Variants in PDZRN3 observed in about 807,000 individuals in gnomAD.
The protein encoded by PDZRN3 is PDZ domain containing ring finger 3, also known as E3 ubiquitin-protein ligase PDZRN3.
A neutral mutation model predicts 85.7 loss-of-function variants in PDZRN3; 38 were observed. The ratio of observed to expected loss-of-function variants is 0.44; its 90% CI spans 0.34 to 0.58. PDZRN3 has a LOEUF of 0.58. Ranked by LOEUF, PDZRN3 falls within the 20% of genes least tolerant of loss-of-function variation. The pLI, the probability that PDZRN3 is intolerant of heterozygous loss-of-function variation, is 0.01. For synonymous variants in PDZRN3, 759 were observed against 638.0 expected (o/e 1.19, Z -2.86); for missense variants, 1,629 against 1,506.4 (o/e 1.08, Z -1.35).
chr3:73,411,663 A>T (rs936470898), intron 3 of PDZRN3, among the ~76,000 whole-genome samples: 1 of 150,766 alleles, frequency 6.6e-6, no homozygotes, highest in Non-Finnish European at 1.5e-5. Flanking sequence ...CCCTGGACAC[A>T]TAGAAGGGGC....
chr3:73,577,798 T>C (rs1702146463), intron 3 of PDZRN3, among the ~76,000 whole-genome samples: 1 of 152,216 alleles, frequency 6.6e-6, no homozygotes, highest in African/African-American at 2.4e-5. Flanking sequence ...ACTAGCCCAG[T>C]TACTGCCCTA....
chr3:73,516,377 T>C (rs1391836281), intron 3 of PDZRN3, among the ~76,000 whole-genome samples: 1 of 152,232 alleles, frequency 6.6e-6, no homozygotes, highest in African/African-American at 2.4e-5. Flanking sequence ...CCCATCAATG[T>C]TGCCTATTAT....
chr3:73,547,419 A>G (rs1276249322), intron 3 of PDZRN3, among the ~76,000 whole-genome samples: 2 of 152,230 alleles, frequency 1.3e-5, no homozygotes, highest in Non-Finnish European at 2.9e-5. Flanking sequence ...CAGTGAAAAG[A>G]TAGAAGTCCC....
intron 3 of PDZRN3, among the ~76,000 whole-genome samples, chr3:73,498,740 G>A (rs1428911112): frequency 2.0e-5 from 3 of 151,968 alleles, no homozygotes; most frequent in East Asian, 3.9e-4. Flanking sequence ...ACACGCCACC[G>A]CGCCTGGCTA....
At chr3:73,418,684 T>C (rs1171378634) in intron 3 of PDZRN3, among the ~76,000 whole-genome samples, 1 of 152,186 alleles carries the variant, frequency 6.6e-6, no homozygotes, top group African/African-American at 2.4e-5. Flanking sequence ...CCCCACCCTA[T>C]GGCTATGCAG....
At chr3:73,451,702 T>G (rs1290993854) in intron 3 of PDZRN3, among the ~76,000 whole-genome samples, 1 of 152,214 alleles carries the variant, frequency 6.6e-6, no homozygotes, top group African/African-American at 2.4e-5. Flanking sequence ...ACCTGCCCAC[T>G]GTGTTAAAAC....
chr3:73,528,523 C>T (rs1245899737), intron 3 of PDZRN3, among the ~76,000 whole-genome samples: 2 of 152,098 alleles, frequency 1.3e-5, no homozygotes, highest in Non-Finnish European at 2.9e-5. Flanking sequence ...ACAACTGACT[C>T]AGAAAGAGAA....
intron 3 of PDZRN3, among the ~76,000 whole-genome samples, chr3:73,508,937 C>T (rs1029444908): frequency 6.6e-6 from 1 of 152,142 alleles, no homozygotes; most frequent in African/African-American, 2.4e-5. Flanking sequence ...ATATATTATG[C>T]CTATGGTTTA....
At chr3:73,519,345 G>A (rs1704311286) in intron 3 of PDZRN3, among the ~76,000 whole-genome samples, 1 of 152,204 alleles carries the variant, frequency 6.6e-6, no homozygotes, top group Admixed American at 6.5e-5. Flanking sequence ...TAAGAGGAGG[G>A]GGAAATGCCA....
chr3:73,598,702 G>A (rs1702468116), intron 3 of PDZRN3, among the ~76,000 whole-genome samples: 1 of 152,210 alleles, frequency 6.6e-6, no homozygotes, highest in Non-Finnish European at 1.5e-5. Flanking sequence ...GGACAGGCCA[G>A]CTCAGGCTTT....
chr3:73,585,481 C>A (rs1702263991), intron 3 of PDZRN3, among the ~76,000 whole-genome samples: 1 of 152,166 alleles, frequency 6.6e-6, no homozygotes, highest in South Asian at 2.1e-4. Flanking sequence ...AGGTTGTGGC[C>A]TGGTGGTAGG....
chr3:73,558,240 G>T (rs1413194456), intron 3 of PDZRN3, among the ~76,000 whole-genome samples: 1 of 147,472 alleles, frequency 6.8e-6, no homozygotes, highest in Non-Finnish European at 1.5e-5. Context: ...AAAAAATCCA[G>T]GAGCATATCT....
At chr3:73,566,704 G>T (rs1466187311) in intron 3 of PDZRN3, among the ~76,000 whole-genome samples, 1 of 152,108 alleles carries the variant, frequency 6.6e-6, no homozygotes, top group Admixed American at 6.5e-5. Flanking sequence ...TAGGATTAGT[G>T]GTTTGTTTCA....
At chr3:73,512,794 G>A (rs1200014353) in intron 3 of PDZRN3, among the ~76,000 whole-genome samples, 1 of 152,072 alleles carries the variant, frequency 6.6e-6, no homozygotes, top group Non-Finnish European at 1.5e-5. Context: ...TGAACATGAT[G>A]AGCCCTTTAA....
intron 3 of PDZRN3, among the ~76,000 whole-genome samples, chr3:73,597,013 T>C (rs1376388099): frequency 6.6e-6 from 1 of 152,176 alleles, no homozygotes; most frequent in Non-Finnish European, 1.5e-5. Flanking sequence ...ATGTTAATAT[T>C]TGGGGAATCT....
intron 3 of PDZRN3, among the ~76,000 whole-genome samples, chr3:73,592,683 G>A (rs564504410): frequency 1.3e-5 from 2 of 152,112 alleles, no homozygotes; most frequent in Non-Finnish European, 1.5e-5. Flanking sequence ...GCTCTCCACC[G>A]TGAGGCTCAA....
Position 73,388,073 on chromosome 3 carries a change from T to TA in PDZRN3, c.1417-5_1417-4insT, listed in dbSNP as rs775119109. ...TCTGCACCTCTATCCCATTAATCTT[T>TA]TAAAAAAAAAGGGGGGGTGGGGAGA... On this transcript the variant is annotated splice_region_variant and splice_polypyrimidine_tract_variant and intron_variant, in intron 7 of 9. Coordinates refer to ENST00000263666, the MANE Select transcript of PDZRN3 (RefSeq NM_015009.3). 299 of 892,984 alleles carry TA rather than the reference T, an allele frequency of 3.3e-4. 1 individual carries two copies. The highest frequency in any genetic ancestry group is 5.5e-4 in the African/African-American group (25 of 45,554). 55.3% of individuals were successfully genotyped at this position (892,984 alleles called of 1,614,324 possible).
intron 3 of PDZRN3, among the ~76,000 whole-genome samples, chr3:73,529,955 C>A (rs1704615206): frequency 6.6e-6 from 1 of 152,154 alleles, no homozygotes; most frequent in African/African-American, 2.4e-5. Flanking sequence ...GCACAGCAAG[C>A]CCTCAGAACA....
At chr3:73,548,803 A>C (rs1402967216) in intron 3 of PDZRN3, among the ~76,000 whole-genome samples, 1 of 152,244 alleles carries the variant, frequency 6.6e-6, no homozygotes, top group African/African-American at 2.4e-5. Context: ...ATTGTCGCCA[A>C]AGAAAGAAAA....
Sources: allele counts gnomAD v4.1 joint callset (sites outside exome capture counted in the v4.1 genomes callset), GRCh38; gene constraint gnomAD v4.1.1; transcripts MANE v1.5; gene names NCBI Gene and HGNC (gene_info 2026-07-23, HGNC 2026-07-21).